The following PLSCR2 variants were observed in gnomAD, a reference collection of about 807,000 sequenced individuals.
PLSCR2 encodes the protein phospholipid scramblase 2.
PLSCR2 carries 18 observed loss-of-function variants against 25.3 expected under a neutral mutation model. The observed-to-expected ratio is 0.71, with a 90% CI of 0.49 to 1.06. The LOEUF (loss-of-function observed/expected upper bound fraction) is 1.06, where lower values mean the gene tolerates loss of function less well. Ranked by LOEUF, PLSCR2 falls within the 50% of genes least tolerant of loss-of-function variation. The pLI is 0.00. For synonymous variants in PLSCR2, 88 were observed against 87.3 expected, an observed-to-expected ratio of 1.01 and a Z score of -0.04; for missense variants, 243 against 269.5, an observed-to-expected ratio of 0.90 and a Z score of 0.69.
At chr3:146,419,170 C>T (rs772779107) in intron 2 of PLSCR2, among the ~76,000 whole-genome samples, 6 of 152,010 alleles carry the variant, frequency 3.9e-5, no homozygotes, top group Non-Finnish European at 8.8e-5. Flanking sequence ...GAAACCAAAC[C>T]ACAATTTCAA....
In PLSCR2 at chr3:146,459,831, TAC is replaced by T. The variant is rs1576679358; in HGVS notation, c.57+15_57+16del. Reference sequence around the variant, plus strand: ...AGTTTTTTTTTTTTTCTGAGTATTTTACGTATTTGAAATTACCTGACTTAAGT... The same window carrying T: ...AGTTTTTTTTTTTTTCTGAGTATTTTGTATTTGAAATTACCTGACTTAAGT... On this transcript the variant is annotated intron_variant, in intron 2 of 6. Coordinates refer to ENST00000610787, the Ensembl canonical transcript of PLSCR2. The T allele has an allele frequency of 2.6e-6, 4 of 1,546,716 alleles. No homozygotes were observed. Among genetic ancestry groups the T allele is most frequent in the African/African-American group, 1.4e-5 (1 of 72,962 alleles).
intron 2 of PLSCR2, among the ~76,000 whole-genome samples, chr3:146,403,118 A>G (rs2038534420): frequency 6.9e-6 from 1 of 145,746 alleles, no homozygotes; most frequent in Admixed American, 7.1e-5. Context: ...ATACAAAGCA[A>G]ATAAAAAAAT....
chr3:146,481,486 C>T (rs530673218), intron 1 of PLSCR2, among the ~76,000 whole-genome samples: 1 of 152,178 alleles, frequency 6.6e-6, no homozygotes, highest in Non-Finnish European at 1.5e-5. Context: ...ACAATTGCTA[C>T]AAACAGAATA....
At chr3:146,418,189 T>C (rs908819672) in intron 2 of PLSCR2, among the ~76,000 whole-genome samples, 1 of 152,204 alleles carries the variant, frequency 6.6e-6, no homozygotes, top group African/African-American at 2.4e-5. Context: ...TATAGGTATG[T>C]TGGGGAACCA....
intron 2 of PLSCR2, among the ~76,000 whole-genome samples, chr3:146,425,308 A>G (rs1421604051): frequency 6.6e-6 from 1 of 152,176 alleles, no homozygotes; most frequent in Admixed American, 6.6e-5. Context: ...AGGGGAAAGT[A>G]TACCATCCAA....
chr3:146,444,942 T>G (rs770444943), intron 6 of PLSCR2, among the ~76,000 whole-genome samples: 1 of 152,112 alleles, frequency 6.6e-6, no homozygotes, highest in Non-Finnish European at 1.5e-5. Flanking sequence ...GTTTTTGATT[T>G]AAGATTACTC....
At chr3:146,423,267 C>CGA (rs2039217271) in intron 2 of PLSCR2, among the ~76,000 whole-genome samples, 1 of 146,944 alleles carries the variant, frequency 6.8e-6, no homozygotes, top group Non-Finnish European at 1.5e-5. Context: ...CTCTCTCTCT[C>CGA]TCTCTCTCTC....
intron 3 of PLSCR2, among the ~76,000 whole-genome samples, chr3:146,394,783 TG>T (rs1464413988): frequency 6.6e-6 from 1 of 152,226 alleles, no homozygotes; most frequent in Non-Finnish European, 1.5e-5. Flanking sequence ...ATAATCCCTA[TG>T]TGTTGAGGCA....
intron 1 of PLSCR2, among the ~76,000 whole-genome samples, chr3:146,478,882 T>C (rs917927062): frequency 2.8e-4 from 42 of 152,210 alleles, no homozygotes; most frequent in African/African-American, 8.9e-4. Flanking sequence ...CCCATCAGAC[T>C]AACAGCGGAT....
chr3:146,427,043 A>G (rs777808360), intron 2 of PLSCR2, among the ~76,000 whole-genome samples: 2 of 152,364 alleles, frequency 1.3e-5, no homozygotes, highest in Admixed American at 6.5e-5. Context: ...CATTTTAAAA[A>G]TACAATTCTC....
downstream of PLSCR2, among the ~76,000 whole-genome samples, chr3:146,437,371 G>A (rs776858333): frequency 2.1e-4 from 32 of 152,068 alleles, no homozygotes; most frequent in African/African-American, 3.6e-4. Flanking sequence ...CTCTTTGTAC[G>A]TCTGGTAGAA....
chr3:146,482,258 C>A (rs1284410148), intron 1 of PLSCR2, among the ~76,000 whole-genome samples: 2 of 152,000 alleles, frequency 1.3e-5, no homozygotes, highest in African/African-American at 4.8e-5. Flanking sequence ...TTCTGTATGG[C>A]AAAAGAAACT....
At chr3:146,399,438 T>C (rs937061110) in intron 2 of PLSCR2, among the ~76,000 whole-genome samples, 5 of 151,854 alleles carry the variant, frequency 3.3e-5, no homozygotes, top group Middle Eastern at 3.2e-3. Flanking sequence ...CTACTAATTA[T>C]GTTAAAACAC....
chr3:146,469,469 G>A, intron 1 of PLSCR2, 26 bp downstream of exon 1: 1 of 950,100 alleles, frequency 1.1e-6, no homozygotes, highest in Non-Finnish European at 1.3e-6. Context: ...CCCATAGGGA[G>A]GCGACTGAGA....
intron 1 of PLSCR2, among the ~76,000 whole-genome samples, chr3:146,468,608 C>T (rs1345515707): frequency 6.6e-6 from 1 of 152,076 alleles, no homozygotes; most frequent in East Asian, 1.9e-4. Context: ...TTTACATTAA[C>T]ACACATTAAT....
At chr3:146,473,683 T>A (rs1383261135) in intron 1 of PLSCR2, among the ~76,000 whole-genome samples, 1 of 152,244 alleles carries the variant, frequency 6.6e-6, no homozygotes, top group African/African-American at 2.4e-5. Context: ...AAACTCAGTA[T>A]CTGCTCTTAC....
chr3:146,483,369 C>T (rs1222411582), intron 1 of PLSCR2, among the ~76,000 whole-genome samples: 2 of 145,752 alleles, frequency 1.4e-5, no homozygotes, highest in East Asian at 4.0e-4. Flanking sequence ...CAACATGGCA[C>T]ATGTATACCT....
chr3:146,469,252 C>A (rs2042005487), intron 1 of PLSCR2: 2 of 985,506 alleles, frequency 2.0e-6, no homozygotes, highest in Non-Finnish European at 1.2e-6. Context: ...CTGAGCCCCG[C>A]AAGGCGTTTT....
At chr3:146,407,591 CTT>C (rs542154430) in intron 2 of PLSCR2, among the ~76,000 whole-genome samples, 122 of 152,208 alleles carry the variant, frequency 8.0e-4, no homozygotes, top group African/African-American at 2.8e-3. Context: ...GGGGATTCTT[CTT>C]TGTTTTTGAT....
Sources: allele counts gnomAD v4.1 joint callset (sites outside exome capture counted in the v4.1 genomes callset), GRCh38; gene constraint gnomAD v4.1.1; transcripts MANE v1.5; gene names NCBI Gene and HGNC (gene_info 2026-07-23, HGNC 2026-07-21).